The following NUP107 variants were observed in gnomAD, a reference collection of about 807,000 sequenced individuals.
NUP107 encodes the protein nuclear pore complex protein Nup107.
NUP107 carries 101 observed loss-of-function variants against 141.0 expected under a neutral mutation model. That is an observed-to-expected ratio of 0.72 (90% CI 0.61 to 0.84). NUP107 has a LOEUF of 0.84. Among genes scored for constraint, NUP107 ranks in the 40% least tolerant of loss-of-function variants. The pLI, the probability that NUP107 is intolerant of heterozygous loss-of-function variation, is 0.00. For missense variants in NUP107, 941 were observed against 1,102.7 expected (o/e 0.85, Z 2.08); for synonymous variants, 319 against 363.9 (o/e 0.88, Z 1.41).
chr12:68,716,807 G>A (rs1341898827), intron 12 of NUP107, among the ~76,000 whole-genome samples: 1 of 152,110 alleles, frequency 6.6e-6, no homozygotes, highest in African/African-American at 2.4e-5. Flanking sequence ...AGTACTTTTT[G>A]CAATGGTCTT....
chr12:68,704,437 T>C (rs1876479418), intron 8 of NUP107, among the ~76,000 whole-genome samples: 1 of 152,138 alleles, frequency 6.6e-6, no homozygotes, highest in African/African-American at 2.4e-5. Flanking sequence ...TCTTTATATT[T>C]TCTGTTTTTA....
intron 8 of NUP107, among the ~76,000 whole-genome samples, chr12:68,705,200 A>G (rs1876519313): frequency 6.6e-6 from 1 of 152,158 alleles, no homozygotes; most frequent in Non-Finnish European, 1.5e-5. Context: ...TTCCAAATGC[A>G]CATGTAGGAA....
intron 8 of NUP107, among the ~76,000 whole-genome samples, chr12:68,704,760 G>C (rs1876497886): frequency 6.6e-6 from 1 of 151,806 alleles, no homozygotes; most frequent in Non-Finnish European, 1.5e-5. Context: ...TCGCCCAAAA[G>C]TAATTCATAT....
chr12:68,717,214 A>C (rs907468013), intron 12 of NUP107, among the ~76,000 whole-genome samples: 2 of 152,166 alleles, frequency 1.3e-5, no homozygotes. Context: ...TTTATTTTAA[A>C]AAACAAAAAT....
intron 20 of NUP107, 99 bp downstream of exon 20, chr12:68,727,488 C>A: frequency 1.5e-6 from 1 of 673,640 alleles, no homozygotes; most frequent in Non-Finnish European, 2.6e-6. Context: ...AAGAAAGCAT[C>A]AGAATCCATA....
intron 8 of NUP107, among the ~76,000 whole-genome samples, chr12:68,704,370 T>A (rs1259549973): frequency 6.6e-6 from 1 of 152,210 alleles, no homozygotes; most frequent in Non-Finnish European, 1.5e-5. Context: ...TGAAAAAATA[T>A]GTACACATAT....
At chr12:68,712,169 A>G (rs1207065474) in intron 10 of NUP107, among the ~76,000 whole-genome samples, 1 of 152,104 alleles carries the variant, frequency 6.6e-6, no homozygotes, top group Non-Finnish European at 1.5e-5. Flanking sequence ...ATGGTTTAAG[A>G]CTTGCAAAAG....
intron 8 of NUP107, among the ~76,000 whole-genome samples, chr12:68,703,691 C>T (rs181936285): frequency 9.9e-5 from 15 of 152,128 alleles, no homozygotes; most frequent in Admixed American, 3.9e-4. Flanking sequence ...CCTTGTGATC[C>T]GCCCACCTCA....
Position 68,697,023 on chromosome 12 carries a change from G to C in NUP107, c.552+101G>C, listed in dbSNP as rs2546527. The stretch of plus-strand genomic sequence containing the variant: ...ATAGTGTTTAAGGGAGGTGTCTTAG[G>C]GGAACAGTGGCAGGAGTGGAGGGAA... On this transcript the variant is annotated intron_variant, in intron 6 of 27. Transcript: ENST00000229179. 0.26 allele frequency: 156,452 copies of C among 606,538 alleles called. 21,180 individuals carry two copies. The highest frequency in any genetic ancestry group is 0.3 in the Middle Eastern group (809 of 2,724). The allele number at this position is 606,538 out of a possible 1,614,324, so 37.6% of individuals were successfully genotyped here.
chr12:68,706,556 G>T, intron 8 of NUP107: 1 of 679,856 alleles, frequency 1.5e-6, no homozygotes, highest in Non-Finnish European at 2.7e-6. Context: ...AGATCTCCAA[G>T]ATGAACAGGA....
rs183892855 is a variant in NUP107, at chr12:68,702,869, G to A, written c.729+85G>A. ...GGATTTTTTTTTTTTTTGAGTTGGAGTTTCGCTCTTGTTGCCCAGGCTGGA... is the reference window on the plus strand; with the variant it reads ...GGATTTTTTTTTTTTTTGAGTTGGAATTTCGCTCTTGTTGCCCAGGCTGGA... On this transcript the variant is annotated intron_variant, in intron 8 of 27. Transcript: ENST00000229179. 136 of 711,120 alleles carry A rather than the reference G, an allele frequency of 1.9e-4. No homozygotes were observed. The East Asian group carries it at 4.6e-3, about 24-fold the overall frequency. 44.1% of individuals were successfully genotyped at this position (711,120 alleles called of 1,614,324 possible). A position where few individuals can be genotyped will look rare whatever the true frequency, so the allele number is the denominator to read the frequency against.
chr12:68,742,293 A>G (rs1286899400), intron 27 of NUP107, 62 bp from the exon 28 acceptor site: 4 of 1,068,178 alleles, frequency 3.7e-6, no homozygotes, highest in Non-Finnish European at 5.8e-6. Flanking sequence ...CGATTAGGTA[A>G]CTAAGTTCAT....
At chr12:68,701,883 C>T (rs12825696) in intron 7 of NUP107, among the ~76,000 whole-genome samples, 3,693 of 152,086 alleles carry the variant, frequency 0.024, 51 homozygotes, top group South Asian at 0.04. Context: ...AACCTTGGCT[C>T]GCTGCAACCT....
At chr12:68,737,829 C>G (rs1418425771) in intron 26 of NUP107, among the ~76,000 whole-genome samples, 3 of 152,122 alleles carry the variant, frequency 2.0e-5, no homozygotes, top group African/African-American at 7.2e-5. Flanking sequence ...ACACGTGTCA[C>G]TTGTATGTGA....
chr12:68,715,459 A>G (rs1220789781), intron 11 of NUP107, among the ~76,000 whole-genome samples, 168 bp from the exon 12 acceptor site: 5 of 152,144 alleles, frequency 3.3e-5, no homozygotes, highest in African/African-American at 1.2e-4. Flanking sequence ...GCGCCACTGC[A>G]CTCCAGCCTG....
At chr12:68,702,653 T>A in intron 7 of NUP107, 83 bp from the exon 8 acceptor site, 1 of 919,868 alleles carries the variant, frequency 1.1e-6, no homozygotes, top group Non-Finnish European at 1.7e-6. Flanking sequence ...TTAGCCAAAT[T>A]TTCCTTCTCT....
At chr12:68,728,837 T>C (rs146061340) in intron 20 of NUP107, among the ~76,000 whole-genome samples, 2 of 152,266 alleles carry the variant, frequency 1.3e-5, no homozygotes. Flanking sequence ...CTGTACCTGT[T>C]AATACTGTAA....
intron 20 of NUP107, among the ~76,000 whole-genome samples, chr12:68,730,780 C>T (rs1401917175): frequency 6.6e-6 from 1 of 151,894 alleles, no homozygotes; most frequent in East Asian, 1.9e-4. Flanking sequence ...GCCTGGGCAG[C>T]ATAGTGAAAA....
chr12:68,745,013 C>T lies in NUP107; in HGVS notation c.*2551C>T, dbSNP rs1180629483. On this transcript the variant is annotated 3_prime_UTR_variant, in exon 28 of 28. Transcript: ENST00000229179. ...GAATTATGAAGACTTTTTCCTTGAG[C>T]ATTGCATGAAGGCTACAAAGTTGGA... 1 of 152,198 alleles carries T rather than the reference C, an allele frequency of 6.6e-6. No homozygotes were observed. Among genetic ancestry groups the T allele is most frequent in the African/African-American group, 2.4e-5 (1 of 41,450 alleles). The allele number at this position is 152,198 out of a possible 1,614,324, so 9.4% of individuals were successfully genotyped here. A position where few individuals can be genotyped will look rare whatever the true frequency, so the allele number is the denominator to read the frequency against.
Sources: allele counts gnomAD v4.1 joint callset (sites outside exome capture counted in the v4.1 genomes callset), GRCh38; gene constraint gnomAD v4.1.1; transcripts MANE v1.5; gene names NCBI Gene and HGNC (gene_info 2026-07-23, HGNC 2026-07-21).